DLG2: variants seen among roughly 807,000 people sequenced by gnomAD.
The protein encoded by DLG2 is discs large MAGUK scaffold protein 2.
DLG2 carries 45 observed loss-of-function variants against 132.5 expected under a neutral mutation model. That is an observed-to-expected ratio of 0.34 (90% CI 0.27 to 0.44). The LOEUF is 0.44. Ranked by LOEUF, DLG2 falls within the 20% of genes least tolerant of loss-of-function variation. The pLI is 1.00. For missense variants in DLG2, 1,045 were observed against 1,196.9 expected (o/e 0.87, Z 1.87); for synonymous variants, 424 against 419.6 (o/e 1.01, Z -0.13).
At chr11:84,704,876 T>TATATATACACATTATGTATATATACAC (rs2059618781) in intron 6 of DLG2, among the ~76,000 whole-genome samples, 3 of 149,282 alleles carry the variant, frequency 2.0e-5, no homozygotes, top group Non-Finnish European at 4.5e-5. Context: ...CACACACACA[T>TATATATACACATTATGTATATATACAC]ATATATACAC....
In DLG2 at chr11:84,568,627, T is replaced by C. The variant is rs559757331; in HGVS notation, c.358-33896A>G. Among the ~76,000 whole-genome samples the C allele has an allele frequency of 8.5e-5, 13 of 152,296 alleles. No individual in the cohort carries two copies. The South Asian group carries it at 2.7e-3, about 32-fold the overall frequency. ...TAGCCATCTAGATGGCTAGTATCTATGCCCAGCCTTAGATCCTACCCCAAC... is the reference window on the plus strand; with the variant it reads ...TAGCCATCTAGATGGCTAGTATCTACGCCCAGCCTTAGATCCTACCCCAAC... On this transcript the variant is annotated intron_variant, in intron 6 of 27. Coordinates refer to ENST00000376104, the MANE Select transcript of DLG2 (RefSeq NM_001142699.3).
intron 19 of DLG2, 34 bp downstream of exon 19, chr11:83,633,177 C>G (rs1485219415): frequency 1.3e-6 from 2 of 1,594,698 alleles, no homozygotes; most frequent in Non-Finnish European, 1.7e-6. Context: ...GAATTGCTCA[C>G]AAAGTGCAGA....
Position 84,574,358 on chromosome 11 carries a change from A to G in DLG2, c.358-39627T>C, listed in dbSNP as rs1446349207. Among the ~76,000 whole-genome samples the G allele has an allele frequency of 1.7e-4, 25 of 147,166 alleles. 1 individual carries two copies. On this transcript the variant is annotated intron_variant, in intron 6 of 27. Transcript: ENST00000376104. Reference sequence around the variant, plus strand: ...TTCCCCTAAACTAATATTTCTCTTAAACAGAAAAAAAAAAAAACCTCTTAA... The same window carrying G: ...TTCCCCTAAACTAATATTTCTCTTAGACAGAAAAAAAAAAAAACCTCTTAA...
At chr11:85,203,581 T>C (rs1405098778) in intron 4 of DLG2, among the ~76,000 whole-genome samples, 1 of 152,016 alleles carries the variant, frequency 6.6e-6, no homozygotes, top group Admixed American at 6.6e-5. Flanking sequence ...GCCTAGGACC[T>C]GATGGCTTCA....
chr11:84,411,784 C>T (rs1191623882), intron 7 of DLG2, among the ~76,000 whole-genome samples: 3 of 152,110 alleles, frequency 2.0e-5, no homozygotes, highest in African/African-American at 7.2e-5. Context: ...ATTATCATGC[C>T]ACAGTTATTG....
At chr11:85,071,180 A>C (rs180930020) in intron 6 of DLG2, among the ~76,000 whole-genome samples, 3 of 152,024 alleles carry the variant, frequency 2.0e-5, no homozygotes, top group Non-Finnish European at 2.9e-5. Context: ...TACTGTGGAC[A>C]GGAGTTTGCT....
chr11:83,587,076 C>T (rs1314340554), intron 19 of DLG2, among the ~76,000 whole-genome samples: 2 of 152,186 alleles, frequency 1.3e-5, no homozygotes, highest in Admixed American at 6.5e-5. Context: ...GTGATGATTA[C>T]ATGAAATGAT....
Position 85,582,660 on chromosome 11 carries a change from C to CAAAAAAAAAAAAAAAAAAAAAA in DLG2, c.40+15975_40+15996dup, listed in dbSNP as rs59452629. The stretch of plus-strand genomic sequence containing the variant: ...GCAACATGGTGAAACCCCATCTCTA[C>CAAAAAAAAAAAAAAAAAAAAAA]AAAAAAAAAAAAAAAAAAAAAAAAA... On this transcript the variant is annotated intron_variant, in intron 3 of 27. Coordinates refer to ENST00000376104, the MANE Select transcript of DLG2 (RefSeq NM_001142699.3). 3.7e-4 allele frequency among the ~76,000 whole-genome samples: 10 copies of CAAAAAAAAAAAAAAAAAAAAAA among 27,140 alleles called. 2 individuals are homozygous for CAAAAAAAAAAAAAAAAAAAAAA. Among genetic ancestry groups the CAAAAAAAAAAAAAAAAAAAAAA allele is most frequent in the Non-Finnish European group, 7.2e-4 (10 of 13,818 alleles). 17.8% of individuals were successfully genotyped at this position (27,140 alleles called of 152,430 possible).
At chr11:85,361,528 G>A (rs2084157848) in intron 3 of DLG2, among the ~76,000 whole-genome samples, 1 of 152,080 alleles carries the variant, frequency 6.6e-6, no homozygotes, top group African/African-American at 2.4e-5. Flanking sequence ...GCATTGTTTA[G>A]TTCCCTCTTG....
chr11:84,382,647 C>T (rs1272093388), intron 7 of DLG2, among the ~76,000 whole-genome samples: 2 of 152,026 alleles, frequency 1.3e-5, no homozygotes, highest in Non-Finnish European at 2.9e-5. Context: ...TCCTTAAATA[C>T]CAATTTGGCT....
chr11:83,575,328 C>T (rs1750964986), intron 19 of DLG2, among the ~76,000 whole-genome samples: 1 of 152,088 alleles, frequency 6.6e-6, no homozygotes, highest in Non-Finnish European at 1.5e-5. Flanking sequence ...GACAGAGTCT[C>T]GAGGCCATCA....
intron 8 of DLG2, among the ~76,000 whole-genome samples, chr11:84,175,571 A>G (rs1318052592): frequency 1.3e-5 from 2 of 152,112 alleles, no homozygotes; most frequent in Admixed American, 6.6e-5. Flanking sequence ...TCATCTAAAT[A>G]TAGGTCACCC....
At chr11:83,969,872 C>A (rs768199418) in intron 12 of DLG2, among the ~76,000 whole-genome samples, 19 of 151,472 alleles carry the variant, frequency 1.3e-4, no homozygotes, top group Admixed American at 3.9e-4. Flanking sequence ...CACACCTGGC[C>A]GATAATGAAT....
chr11:84,912,137 T>C (rs2092115027), intron 6 of DLG2, among the ~76,000 whole-genome samples: 1 of 145,648 alleles, frequency 6.9e-6, no homozygotes, highest in South Asian at 2.4e-4. Context: ...TTCCTTGGCT[T>C]TCACAATTTA....
intron 11 of DLG2, among the ~76,000 whole-genome samples, chr11:83,996,873 C>A (rs534933093): frequency 8.6e-5 from 13 of 151,900 alleles, no homozygotes; most frequent in Non-Finnish European, 1.6e-4. Context: ...TTAATATGTA[C>A]AAATAAATAG....
At chr11:84,017,876 T>C (rs1326379504) in intron 11 of DLG2, among the ~76,000 whole-genome samples, 1 of 152,054 alleles carries the variant, frequency 6.6e-6, no homozygotes, top group Non-Finnish European at 1.5e-5. Context: ...AAAAATGCCA[T>C]TCAATTGGCT....
chr11:84,704,715 A>G (rs915142552), intron 6 of DLG2, among the ~76,000 whole-genome samples: 20 of 151,394 alleles, frequency 1.3e-4, no homozygotes, highest in African/African-American at 4.6e-4. Flanking sequence ...ATTATTGACC[A>G]GAGCTTTTCC....
At chr11:83,707,615 G>C (rs2084348344) in intron 18 of DLG2, among the ~76,000 whole-genome samples, 1 of 152,202 alleles carries the variant, frequency 6.6e-6, no homozygotes. Flanking sequence ...AGGTTGCAGT[G>C]AGCTGAGGTG....
intron 6 of DLG2, among the ~76,000 whole-genome samples, chr11:84,885,822 G>C (rs2088187050): frequency 6.7e-6 from 1 of 150,262 alleles, no homozygotes; most frequent in Non-Finnish European, 1.5e-5. Context: ...TGGTTAGAAG[G>C]AATTTCAAAT....
Sources: gnomAD v4.1 joint callset for allele counts (sites outside exome capture counted in the v4.1 genomes callset) on GRCh38, gnomAD v4.1.1 for gene constraint, MANE v1.5 for transcripts, NCBI Gene and HGNC (gene_info 2026-07-23, HGNC 2026-07-21) for gene names.